The following PAK5 variants were observed in gnomAD, a reference collection of about 807,000 sequenced individuals.
PAK5 encodes p21 (RAC1) activated kinase 5, also known as serine/threonine-protein kinase PAK 5.
In PAK5, 16 loss-of-function variants were observed where a neutral mutation model predicts 65.9. The observed-to-expected ratio is 0.24, with a 90% CI of 0.16 to 0.37. PAK5 has a LOEUF of 0.37. Among genes scored for constraint, PAK5 ranks in the 10% least tolerant of loss-of-function variants. The pLI, the probability that PAK5 is intolerant of heterozygous loss-of-function variation, is 1.00. For missense variants in PAK5, 785 were observed against 903.9 expected, an observed-to-expected ratio of 0.87 and a Z score of 1.69; for synonymous variants, 371 against 354.9, an observed-to-expected ratio of 1.05 and a Z score of -0.51.
chr20:9,739,319 T>G (rs1310377185), intron 1 of PAK5, among the ~76,000 whole-genome samples: 1 of 151,742 alleles, frequency 6.6e-6, no homozygotes, highest in East Asian at 1.9e-4. Flanking sequence ...TAACCAAACA[T>G]TCCAGCTGCG....
intron 1 of PAK5, among the ~76,000 whole-genome samples, chr20:9,819,689 T>C (rs1301486014): frequency 6.6e-6 from 1 of 152,124 alleles, no homozygotes; most frequent in East Asian, 1.9e-4. Flanking sequence ...GTAACTCCAC[T>C]CTGATTTCTG....
chr20:9,578,039 T>A (rs2045917293), intron 4 of PAK5, among the ~76,000 whole-genome samples: 1 of 152,218 alleles, frequency 6.6e-6, no homozygotes, highest in South Asian at 2.1e-4. Flanking sequence ...AAAGTTCTGG[T>A]GGCCACTGGG....
In PAK5 at chr20:9,724,464, A is replaced by T. The variant is rs955828918; in HGVS notation, c.-161-13029T>A. Among the ~76,000 whole-genome samples the T allele has an allele frequency of 2.6e-5, 4 of 152,200 alleles. No individual in the cohort carries two copies. In the East Asian group the frequency reaches 7.7e-4, roughly 29 times the overall value. ...CAAGGCCACTCACTTGTTCGTGGAC[A>T]TTATGGGCTTGGGAAAAGCCCTAGA... On this transcript the variant is annotated intron_variant, in intron 1 of 9. Transcript: ENST00000353224.
intron 1 of PAK5, among the ~76,000 whole-genome samples, chr20:9,722,862 G>A (rs1445049905): frequency 6.6e-6 from 1 of 151,006 alleles, no homozygotes; most frequent in Non-Finnish European, 1.5e-5. Context: ...ACAGCTTCCC[G>A]AGTAGCTGGG....
At chr20:9,774,787 T>TA (rs767091676) in intron 1 of PAK5, among the ~76,000 whole-genome samples, 103 of 146,224 alleles carry the variant, frequency 7.0e-4, no homozygotes, top group African/African-American at 2.0e-3. Flanking sequence ...ACTAACAAAT[T>TA]AAAAAAAAAA....
intron 3 of PAK5, among the ~76,000 whole-genome samples, chr20:9,638,316 C>T (rs569487414): frequency 1.7e-4 from 26 of 152,292 alleles, no homozygotes; most frequent in South Asian, 1.7e-3. Context: ...AGGGAACCTC[C>T]CCCTTGGGGT....
At chr20:9,761,786 G>A (rs1156339335) in intron 1 of PAK5, among the ~76,000 whole-genome samples, 2 of 151,828 alleles carry the variant, frequency 1.3e-5, no homozygotes, top group African/African-American at 4.8e-5. Context: ...CTTGTAACAT[G>A]TTGCATATTT....
intron 2 of PAK5, among the ~76,000 whole-genome samples, chr20:9,655,530 AT>A (rs144330864): frequency 0.031 from 4,687 of 152,202 alleles, 114 homozygotes; most frequent in African/African-American, 0.068. Context: ...TCTCCATAGC[AT>A]TTTATAAAAT....
At chr20:9,666,484 A>G (rs2047421073) in intron 2 of PAK5, among the ~76,000 whole-genome samples, 1 of 152,108 alleles carries the variant, frequency 6.6e-6, no homozygotes, top group African/African-American at 2.4e-5. Context: ...CACAAAAACA[A>G]AAAGCAAAAC....
chr20:9,677,449 C>A (rs544824501), intron 2 of PAK5, among the ~76,000 whole-genome samples: 1 of 152,276 alleles, frequency 6.6e-6, no homozygotes, highest in East Asian at 1.9e-4. Context: ...GCACCATAGG[C>A]TGCAACAGGT....
chr20:9,548,152 C>T (rs1426449459), intron 7 of PAK5, among the ~76,000 whole-genome samples: 3 of 152,112 alleles, frequency 2.0e-5, no homozygotes, highest in Non-Finnish European at 2.9e-5. Flanking sequence ...TAAAACCATT[C>T]CTAGGGACCA....
intron 3 of PAK5, among the ~76,000 whole-genome samples, chr20:9,627,053 T>A (rs1196043762): frequency 6.6e-6 from 1 of 152,184 alleles, no homozygotes; most frequent in East Asian, 1.9e-4. Flanking sequence ...TGCTCTCAAG[T>A]GGTAAAAACA....
At chr20:9,814,098 A>AGGCAAGCAGAAT (rs1555931266) in intron 1 of PAK5, among the ~76,000 whole-genome samples, 2 of 151,532 alleles carry the variant, frequency 1.3e-5, no homozygotes, top group African/African-American at 4.9e-5. Context: ...AGTGCATTCT[A>AGGCAAGCAGAAT]GGCAAGTGCA....
chr20:9,784,074 C>T (rs967271760), intron 1 of PAK5, among the ~76,000 whole-genome samples: 2 of 152,206 alleles, frequency 1.3e-5, no homozygotes, highest in East Asian at 1.9e-4. Context: ...TGCCAGTGTC[C>T]TCTGAATAAT....
chr20:9,650,932 C>T (rs976730008), intron 2 of PAK5, among the ~76,000 whole-genome samples: 29 of 152,148 alleles, frequency 1.9e-4, no homozygotes, highest in Non-Finnish European at 4.0e-4. Context: ...CCTTATTTTT[C>T]TCTTGGGCAT....
intron 2 of PAK5, among the ~76,000 whole-genome samples, chr20:9,663,259 G>A (rs942695732): frequency 2.6e-5 from 4 of 152,030 alleles, no homozygotes; most frequent in Non-Finnish European, 4.4e-5. Flanking sequence ...ACATTCCTAC[G>A]AAGCAATCCC....
In PAK5 at chr20:9,562,993, T is replaced by C. The variant is rs796799842; in HGVS notation, c.1514A>G (p.Asn505Ser). ...GTAGCTGCTGTACATGTCAACCACA[T>C]TGTCATGGTGGTAATCCCGCATGAT... ...VVIMRDYHHD[N>S]VVDMYSSYLV... Residue 505 changes from asparagine (N) to serine (S), a missense_variant, in exon 6 of 10, where the codon AAT (asparagine) becomes AGT (serine). Transcript: ENST00000353224. 1 of 1,612,944 alleles carries C rather than the reference T, an allele frequency of 6.2e-7. No homozygotes were observed. Among genetic ancestry groups the C allele is most frequent in the South Asian group, 1.1e-5 (1 of 91,026 alleles).
At chr20:9,638,082 G>A (rs990124832) in intron 3 of PAK5, among the ~76,000 whole-genome samples, 1 of 152,076 alleles carries the variant, frequency 6.6e-6, no homozygotes, top group African/African-American at 2.4e-5. Context: ...CCTAGGGTGG[G>A]GCTTGGGAAT....
intron 1 of PAK5, among the ~76,000 whole-genome samples, chr20:9,785,176 A>G (rs1316406938): frequency 6.6e-6 from 1 of 152,172 alleles, no homozygotes; most frequent in East Asian, 1.9e-4. Flanking sequence ...CTTGACATTA[A>G]TACATTATTT....
Sources: allele counts gnomAD v4.1 joint callset (sites outside exome capture counted in the v4.1 genomes callset), GRCh38; gene constraint gnomAD v4.1.1; transcripts MANE v1.5; gene names NCBI Gene and HGNC (gene_info 2026-07-23, HGNC 2026-07-21).